The following ZNF273 variants were observed in gnomAD, a reference collection of about 807,000 sequenced individuals.
ZNF273 encodes the protein zinc finger protein 273, also known as zinc finger protein 9.
Under a neutral mutation model 14.9 loss-of-function variants are expected in ZNF273, and 11 were observed. That is an observed-to-expected ratio of 0.74 (90% CI 0.46 to 1.22). The LOEUF is 1.22. ZNF273 is among the 50% of genes most tolerant of loss of function. ZNF273 has a pLI of 0.00. For synonymous variants in ZNF273, 199 were observed against 223.9 expected (o/e 0.89, Z 0.99); for missense variants, 577 against 660.6 (o/e 0.87, Z 1.39).
At chr7:64,909,156 A>G (rs1001812860) in intron 1 of ZNF273, among the ~76,000 whole-genome samples, 2 of 151,824 alleles carry the variant, frequency 1.3e-5, no homozygotes, top group African/African-American at 2.4e-5. Context: ...AGCTCAGGCA[A>G]TCCAACTGCC....
chr7:64,924,917 C>A (rs566538443), intron 3 of ZNF273, among the ~76,000 whole-genome samples: 15 of 151,948 alleles, frequency 9.9e-5, no homozygotes, highest in African/African-American at 3.6e-4. Context: ...CTTCTCCTGT[C>A]TCAGCCTCCC....
At chr7:64,895,302 T>C (rs542925588) in intron 3 of ZNF273, among the ~76,000 whole-genome samples, 2 of 152,248 alleles carry the variant, frequency 1.3e-5, no homozygotes, top group Non-Finnish European at 2.9e-5. Flanking sequence ...AACCTAATAT[T>C]GATTGATGAT....
At chr7:64,897,053 CTA>C (rs1336670697) in intron 3 of ZNF273, among the ~76,000 whole-genome samples, 1 of 152,144 alleles carries the variant, frequency 6.6e-6, no homozygotes, top group Non-Finnish European at 1.5e-5. Flanking sequence ...AGCACAAAAA[CTA>C]TAGAAGCAGA....
chr7:64,928,145 C>T lies in ZNF273; in HGVS notation c.817C>T (p.Gln273Ter), dbSNP rs779692954. 15 of 1,613,018 alleles carry T rather than the reference C, an allele frequency of 9.3e-6. No homozygotes were observed. Among genetic ancestry groups the T allele is most frequent in the Non-Finnish European group, 1.2e-5 (14 of 1,179,722 alleles). ...KCEECGKAFN[Q>*]SLTLTKHKKI... Reference sequence around the variant, plus strand: ...TGAAGAATGTGGCAAAGCCTTTAACCAGTCCTTAACTCTTACTAAACATAA... The same window carrying T: ...TGAAGAATGTGGCAAAGCCTTTAACTAGTCCTTAACTCTTACTAAACATAA... Residue 273 changes from glutamine (Q) to a stop codon, truncating the protein, a stop_gained, in exon 4 of 4, where the codon CAG (glutamine) becomes TAG (stop). Coordinates refer to ENST00000476120, the MANE Select transcript of ZNF273 (RefSeq NM_021148.3). LOFTEE classifies it low-confidence loss of function (END_TRUNC).
intron 1 of ZNF273, among the ~76,000 whole-genome samples, chr7:64,914,351 A>T (rs1330568311): frequency 4.4e-5 from 3 of 67,706 alleles, no homozygotes; most frequent in African/African-American, 1.1e-4. Flanking sequence ...TCTGCTATTT[A>T]AAAAAAAAAA....
At position 64,917,237 on chromosome 7, in the gene ZNF273, AAC is replaced by A. The variant is rs1242268084; in HGVS notation, c.103-340_103-339del. 40 of 568,094 alleles carry A rather than the reference AAC, an allele frequency of 7.0e-5. No individual in the cohort carries two copies. The East Asian group carries it at 2.8e-3, about 40-fold the overall frequency. The allele number at this position is 568,094 out of a possible 1,614,324, so 35.2% of individuals were successfully genotyped here. A position where few individuals can be genotyped will look rare whatever the true frequency, so the allele number is the denominator to read the frequency against. ...CATTAAAATTTTAAAGCTAGCTTGT[AAC>A]ACAGCATTTCTTTTCTATCTGAAAA... On this transcript the variant is annotated intron_variant, in intron 1 of 3. Transcript: ENST00000476120.
chr7:64,892,393 A>T (rs1792089979), downstream of ZNF273, among the ~76,000 whole-genome samples: 3 of 152,170 alleles, frequency 2.0e-5, no homozygotes, highest in Non-Finnish European at 4.4e-5. Context: ...AATATCAGCT[A>T]TTCTTTTTTT....
Position 64,928,061 on chromosome 7 carries a change from CA to C in ZNF273, c.734del (p.Gln245ArgfsTer10). On this transcript the variant is annotated frameshift_variant, in exon 4 of 4. Transcript: ENST00000476120. LOFTEE classifies it low-confidence loss of function (END_TRUNC). ...TAAGACATGTGGAAAAGCCTTTAAC[CA>C]GTTCTCAAATCTTACTAAACATAAG... is the stretch of plus-strand genomic sequence containing the variant. ...KCKTCGKAFN[Q>X]FSNLTKHKII... The C allele has an allele frequency of 6.2e-7, 1 of 1,610,972 alleles. No homozygotes were observed. Among genetic ancestry groups the C allele is most frequent in the Non-Finnish European group, 8.5e-7 (1 of 1,178,760 alleles).
intron 1 of ZNF273, among the ~76,000 whole-genome samples, chr7:64,913,679 T>G (rs1024409104): frequency 3.9e-5 from 6 of 152,216 alleles, no homozygotes; most frequent in African/African-American, 1.4e-4. Context: ...GCCTGCTTCC[T>G]CTAACTAGAG....
intron 3 of ZNF273, among the ~76,000 whole-genome samples, chr7:64,920,636 A>C (rs1242844709): frequency 6.6e-6 from 1 of 152,184 alleles, no homozygotes; most frequent in Non-Finnish European, 1.5e-5. Flanking sequence ...CATGGTCTGC[A>C]GCAAAGAACA....
At chr7:64,920,259 G>C (rs1337505133) in intron 3 of ZNF273, among the ~76,000 whole-genome samples, 1 of 152,074 alleles carries the variant, frequency 6.6e-6, no homozygotes. Flanking sequence ...ACTTTGCTTT[G>C]TAGGGCAGAC....
downstream of ZNF273, among the ~76,000 whole-genome samples, chr7:64,883,222 C>CCG (rs1562946623): frequency 7.3e-6 from 1 of 136,736 alleles, no homozygotes; most frequent in African/African-American, 2.6e-5. Context: ...CCACCCCCCC[C>CCG]TCACCAAGCA....
intron 1 of ZNF273, among the ~76,000 whole-genome samples, chr7:64,915,586 G>A (rs922365591): frequency 2.6e-5 from 4 of 152,240 alleles, no homozygotes; most frequent in African/African-American, 9.6e-5. Flanking sequence ...GTTTAAGAAA[G>A]CCTTTAAGCG....
intron 3 of ZNF273, among the ~76,000 whole-genome samples, chr7:64,922,820 G>C (rs1477736002): frequency 1.3e-5 from 2 of 152,016 alleles, no homozygotes; most frequent in African/African-American, 4.8e-5. Flanking sequence ...CGAAACATTA[G>C]CCAGGTGTGG....
intron 3 of ZNF273, among the ~76,000 whole-genome samples, chr7:64,895,099 T>C (rs1792288647): frequency 6.6e-6 from 1 of 152,102 alleles, no homozygotes; most frequent in African/African-American, 2.4e-5. Flanking sequence ...ATCGTGCCGC[T>C]GCACTCCAGC....
downstream of ZNF273, chr7:64,889,055 G>A: frequency 1.0e-6 from 1 of 985,982 alleles, no homozygotes; most frequent in Non-Finnish European, 1.2e-6. The surrounding 1 kb of genome is among the most constrained non-coding windows in gnomAD (Gnocchi z 4.2). Context: ...AGCGAAGAAC[G>A]TTTCTCCTAC....
downstream of ZNF273, among the ~76,000 whole-genome samples, chr7:64,935,552 T>A (rs4717227): frequency 6.6e-6 from 1 of 151,816 alleles, no homozygotes; most frequent in Non-Finnish European, 1.5e-5. Flanking sequence ...AAACAGAGTC[T>A]CACTCTGTCA....
exon 3 of ZNF273, chr7:64,879,701 T>A (rs547668181): frequency 2.6e-5 from 4 of 152,070 alleles, no homozygotes; most frequent in Non-Finnish European, 5.9e-5. Context: ...AAATTCCATC[T>A]CAAAGAGACC....
chr7:64,910,109 A>G (rs186161256), intron 1 of ZNF273, among the ~76,000 whole-genome samples: 25 of 151,624 alleles, frequency 1.6e-4, no homozygotes, highest in Admixed American at 3.3e-4. Flanking sequence ...GATATTTTCT[A>G]TTGTTCTGTA....
Sources: allele counts gnomAD v4.1 joint callset (sites outside exome capture counted in the v4.1 genomes callset), GRCh38; gene constraint gnomAD v4.1.1; non-coding constraint Gnocchi (gnomAD v3.1); transcripts MANE v1.5; gene names NCBI Gene and HGNC (gene_info 2026-07-23, HGNC 2026-07-21).